Variants in CNGB1 observed in about 807,000 individuals in gnomAD.
CNGB1 encodes the protein cyclic nucleotide-gated channel beta-1.
In CNGB1, 126 loss-of-function variants were observed where a neutral mutation model predicts 151.7. The observed-to-expected ratio is 0.83, with a 90% CI of 0.72 to 0.96. The LOEUF (loss-of-function observed/expected upper bound fraction) is 0.96. CNGB1 is among the 40% of genes least tolerant of loss of function. The pLI, the probability that CNGB1 is intolerant of heterozygous loss-of-function variation, is 0.00. For synonymous variants in CNGB1, 623 were observed against 635.1 expected (o/e 0.98, Z 0.29); for missense variants, 1,698 against 1,627.0 (o/e 1.04, Z -0.75).
At position 57,931,855 on chromosome 16, in the gene CNGB1, C is replaced by A; in HGVS notation, c.1396G>T (p.Glu466Ter). 4 of 1,614,136 alleles carry A rather than the reference C, an allele frequency of 2.5e-6. No homozygotes were observed. The highest frequency in any genetic ancestry group is 3.4e-6 in the Non-Finnish European group (4 of 1,180,030). Reference sequence around the variant, plus strand: ...GCATCAGTATCTTCCACCTGCACTTCTGGGTGCTGTTTCGTGGCAGGCACT... The same window carrying A: ...GCATCAGTATCTTCCACCTGCACTTATGGGTGCTGTTTCGTGGCAGGCACT... Reference protein sequence around the residue: ...SGVPATKQHPEVQVEDTDADS... With the variant: ...SGVPATKQHP The change falls in exon 17 of 33, where the codon GAA becomes TAA. Residue 466 changes from glutamate (E) to a stop codon, truncating the protein, a stop_gained. Coordinates refer to ENST00000251102, the MANE Select transcript of CNGB1 (RefSeq NM_001297.5). LOFTEE classifies it high-confidence loss of function.
intron 13 of CNGB1, among the ~76,000 whole-genome samples, chr16:57,949,850 T>C (rs180853096): frequency 1.3e-5 from 2 of 152,326 alleles, no homozygotes; most frequent in East Asian, 3.9e-4. Context: ...CCATGACCAA[T>C]GACCCAGCAA....
At chr16:57,949,578 A>T (rs1299876258) in intron 13 of CNGB1, 139 bp from the exon 14 acceptor site, 1 of 1,406,454 alleles carries the variant, frequency 7.1e-7, no homozygotes, top group African/African-American at 1.4e-5. Context: ...CAACCTGGGG[A>T]GCCCCACCCG....
rs1458814515 is a variant in CNGB1 at position 57,967,262 on chromosome 16, G to A, written c.25C>T (p.Leu9=). 36 of 1,614,172 alleles carry A rather than the reference G, an allele frequency of 2.2e-5. No individual in the cohort carries two copies. Among genetic ancestry groups the A allele is most frequent in the Non-Finnish European group, 3.0e-5 (35 of 1,180,044 alleles). The change falls in exon 2 of 33, where the codon CTG becomes TTG. Residue 9 remains leucine, a synonymous_variant. Coordinates refer to ENST00000251102, the MANE Select transcript of CNGB1 (RefSeq NM_001297.5). MLGWVQRV[L]PQPPGTPRKT... is the part of the protein sequence containing the mutation. Reference sequence around the variant, plus strand: ...CGAGGGGTCCCTGGGGGCTGAGGCAGCACCCTCTGGACCCAGCCCAACATC... The same window carrying A: ...CGAGGGGTCCCTGGGGGCTGAGGCAACACCCTCTGGACCCAGCCCAACATC...
chr16:57,939,439 T>A lies in CNGB1; in HGVS notation c.1363A>T (p.Ser455Cys), dbSNP rs750127832. The A allele has an allele frequency of 3.1e-6, 5 of 1,613,996 alleles. No individual in the cohort carries two copies. In the South Asian group the frequency reaches 5.5e-5, roughly 18 times the overall value. ...CCACCACCACACCTACCTCCTGAAC[T>A]GGCAGCCTCGGCCTCAGCCTCAGGC... ...EEPEAEAEAA[S>C]SGVPATKQHP... Residue 455 changes from serine (S) to cysteine (C), a missense_variant, in exon 16 of 33, where the codon AGT (serine) becomes TGT (cysteine). Transcript: ENST00000251102.
Position 57,917,493 on chromosome 16 carries a change from C to T in CNGB1, c.1958-17G>A, listed in dbSNP as rs745894002. ...ACATCAGGTCTGTGGGGAAGGTTGA[C>T]GGGGACGCTAGAGCATCAGCCAGGC... On this transcript the variant is annotated splice_polypyrimidine_tract_variant and intron_variant, in intron 20 of 32. Transcript: ENST00000251102. 10 of 1,612,682 alleles carry T rather than the reference C, an allele frequency of 6.2e-6. No individual in the cohort carries two copies. The highest frequency in any genetic ancestry group is 2.2e-5 in the East Asian group (1 of 44,874).
chr16:57,900,606 A>T (rs908214252), intron 29 of CNGB1, among the ~76,000 whole-genome samples: 1 of 151,904 alleles, frequency 6.6e-6, no homozygotes, highest in African/African-American at 2.4e-5. Flanking sequence ...GTTTTCTGGG[A>T]TCAGAGGGTG....
intron 20 of CNGB1, among the ~76,000 whole-genome samples, chr16:57,918,077 G>C (rs1567376846): frequency 6.6e-6 from 1 of 151,810 alleles, no homozygotes; most frequent in African/African-American, 2.4e-5. Context: ...ATGGATGGAT[G>C]GATGGATAGA....
At chr16:57,895,173 G>A (rs1361169009) in intron 31 of CNGB1, among the ~76,000 whole-genome samples, 2 of 152,236 alleles carry the variant, frequency 1.3e-5, no homozygotes, top group Middle Eastern at 3.4e-3. Context: ...GGCAGGGCAC[G>A]GTGGCTCACA....
At chr16:57,885,784 G>T (rs1959914642) in intron 32 of CNGB1, among the ~76,000 whole-genome samples, 2 of 151,966 alleles carry the variant, frequency 1.3e-5, no homozygotes, top group African/African-American at 4.8e-5. Context: ...TAGTAGAGAT[G>T]GGGTTTTACA....
chr16:57,911,489 A>G (rs1269478020), intron 25 of CNGB1, among the ~76,000 whole-genome samples: 6 of 152,038 alleles, frequency 3.9e-5, no homozygotes, highest in Non-Finnish European at 8.8e-5. Flanking sequence ...GGGTTTTACC[A>G]TGTTGGCCAG....
chr16:57,947,774 G>A (rs1961844868), intron 14 of CNGB1, among the ~76,000 whole-genome samples: 1 of 152,176 alleles, frequency 6.6e-6, no homozygotes. Flanking sequence ...GCCACTGGGG[G>A]ACGAGAACAT....
chr16:57,938,341 G>A (rs1961567680), intron 16 of CNGB1, among the ~76,000 whole-genome samples: 1 of 152,184 alleles, frequency 6.6e-6, no homozygotes, highest in African/African-American at 2.4e-5. Flanking sequence ...CAAAGACCAA[G>A]TAGGGAGCAA....
chr16:57,933,180 G>C (rs1055325829), intron 16 of CNGB1, among the ~76,000 whole-genome samples: 8 of 152,144 alleles, frequency 5.3e-5, no homozygotes, highest in Admixed American at 1.3e-4. Context: ...CACCTACCTT[G>C]GCCTCCCAAA....
At chr16:57,904,474 T>G (rs1405559672) in intron 26 of CNGB1, among the ~76,000 whole-genome samples, 1 of 152,148 alleles carries the variant, frequency 6.6e-6, no homozygotes, top group African/African-American at 2.4e-5. Context: ...CCTCGGTCTC[T>G]GCAGAAAACC....
At chr16:57,952,357 A>G (rs1212872713) in intron 12 of CNGB1, among the ~76,000 whole-genome samples, 2 of 152,208 alleles carry the variant, frequency 1.3e-5, no homozygotes, top group Non-Finnish European at 2.9e-5. Flanking sequence ...CCTCACTGGC[A>G]TCAGTGGCCA....
At chr16:57,945,873 C>T (rs1039217206) in intron 14 of CNGB1, among the ~76,000 whole-genome samples, 1 of 152,178 alleles carries the variant, frequency 6.6e-6, no homozygotes, top group African/African-American at 2.4e-5. Flanking sequence ...CCAGAGGAGG[C>T]GGTGATCTGC....
chr16:57,941,066 A>G (rs1241488490), intron 14 of CNGB1, among the ~76,000 whole-genome samples: 2 of 152,122 alleles, frequency 1.3e-5, no homozygotes, highest in Non-Finnish European at 2.9e-5. Context: ...AGCCTGAAAT[A>G]TATGTTTCTA....
At chr16:57,912,572 T>TTG (rs139857300) in intron 24 of CNGB1, among the ~76,000 whole-genome samples, 2,868 of 144,616 alleles carry the variant, frequency 0.02, 77 homozygotes, top group African/African-American at 0.07. Flanking sequence ...ACTTCCTGTG[T>TTG]TGTGTGTGTG....
intron 32 of CNGB1, among the ~76,000 whole-genome samples, chr16:57,886,263 A>T (rs1169843387): frequency 2.0e-5 from 3 of 152,072 alleles, no homozygotes; most frequent in African/African-American, 7.2e-5. Flanking sequence ...TTTTAATGGA[A>T]CACTCATGCA....
Sources: gnomAD v4.1 joint callset for allele counts (sites outside exome capture counted in the v4.1 genomes callset) on GRCh38, gnomAD v4.1.1 for gene constraint, MANE v1.5 for transcripts, NCBI Gene and HGNC (gene_info 2026-07-23, HGNC 2026-07-21) for gene names.